The following VRK2 variants were observed in gnomAD, a reference collection of about 807,000 sequenced individuals.
VRK2 encodes the protein serine/threonine-protein kinase VRK2.
Under a neutral mutation model 57.6 loss-of-function variants are expected in VRK2, and 60 were observed. That is an observed-to-expected ratio of 1.04 (90% confidence interval 0.85 to 1.29). The LOEUF is 1.29. Among genes scored for constraint, VRK2 ranks in the 50% most tolerant of loss-of-function variants. The probability of loss-of-function intolerance (pLI) is 0.00; values close to 1 mark genes in which losing one functional copy is unlikely to be tolerated. For missense variants in VRK2, 705 were observed against 588.1 expected (o/e 1.20, Z -2.06); for synonymous variants, 231 against 199.2 (o/e 1.16, Z -1.35).
intron 2 of VRK2, among the ~76,000 whole-genome samples, chr2:58,064,215 G>A (rs747376653): frequency 6.6e-6 from 1 of 152,058 alleles, no homozygotes; most frequent in Non-Finnish European, 1.5e-5. Flanking sequence ...TGGTTTGAGA[G>A]GATTGTCTTC....
At chr2:57,916,065 C>T (rs775464077) in intron 1 of VRK2, among the ~76,000 whole-genome samples, 1 of 152,080 alleles carries the variant, frequency 6.6e-6, no homozygotes, top group African/African-American at 2.4e-5. Flanking sequence ...GCACAAGCCT[C>T]CCATTAGATG....
chr2:58,074,586 T>C (rs1348282369), intron 2 of VRK2, among the ~76,000 whole-genome samples: 1 of 152,162 alleles, frequency 6.6e-6, no homozygotes, highest in Non-Finnish European at 1.5e-5. Flanking sequence ...CTCCTGTCTC[T>C]TGCTGTAATT....
chr2:57,923,348 A>C (rs1260537717), intron 1 of VRK2, among the ~76,000 whole-genome samples: 1 of 151,994 alleles, frequency 6.6e-6, no homozygotes, highest in African/African-American at 2.4e-5. Context: ...TCCCACCAAT[A>C]CTGTATGAGG....
Position 58,137,158 on chromosome 2 carries a change from A to G in VRK2, c.856+1959A>G, listed in dbSNP as rs866493923. ...CATATATCATATATATCATGTGTTT[A>G]TATATATCATATATCATATATATCA... On this transcript the variant is annotated intron_variant, in intron 10 of 12. Transcript: ENST00000340157. 3.0e-3 allele frequency among the ~76,000 whole-genome samples: 57 copies of G among 19,156 alleles called. 1 individual carries two copies. The highest frequency in any genetic ancestry group is 5.9e-3 in the African/African-American group (53 of 8,970). The allele number at this position is 19,156 out of a possible 152,430, so 12.6% of individuals were successfully genotyped here.
intron 1 of VRK2, among the ~76,000 whole-genome samples, chr2:57,961,049 A>G (rs1481804455): frequency 6.6e-6 from 1 of 152,244 alleles, no homozygotes; most frequent in Non-Finnish European, 1.5e-5. Context: ...AGACACAAGG[A>G]CGTCATCAAA....
chr2:57,966,639 C>A (rs17049272), intron 1 of VRK2, among the ~76,000 whole-genome samples: 21,264 of 151,714 alleles, frequency 0.14, 1,638 homozygotes, highest in African/African-American at 0.19. Flanking sequence ...TATGTACAAA[C>A]GCTTTTCAGA....
intron 2 of VRK2, among the ~76,000 whole-genome samples, chr2:58,055,222 C>T (rs1274777985): frequency 1.3e-5 from 2 of 152,306 alleles, no homozygotes; most frequent in African/African-American, 4.8e-5. Context: ...TGGCATCACA[C>T]CTTCTGAATG....
chr2:58,087,787 G>A (rs1193900617), intron 5 of VRK2, among the ~76,000 whole-genome samples: 1 of 152,150 alleles, frequency 6.6e-6, no homozygotes, highest in Non-Finnish European at 1.5e-5. Flanking sequence ...AAGAGGTCGA[G>A]ACCATCCTGG....
chr2:58,107,857 C>G (rs1362008213), intron 7 of VRK2, among the ~76,000 whole-genome samples: 4 of 152,070 alleles, frequency 2.6e-5, no homozygotes, highest in Non-Finnish European at 1.5e-5. Flanking sequence ...TTACATTCTC[C>G]TACTTCTTAT....
In VRK2 at chr2:58,049,464, G is replaced by A. The variant is rs10187214; in HGVS notation, c.136+497G>A. 2.6e-3 allele frequency among the ~76,000 whole-genome samples: 400 copies of A among 152,150 alleles called. 3 individuals are homozygous for A. Among genetic ancestry groups the A allele is most frequent in the African/African-American group, 9.1e-3 (377 of 41,498 alleles). The stretch of plus-strand genomic sequence containing the variant: ...CTCGTGCATCTAGAGTGGTCCCTAG[G>A]GATGTGCCATTCTTGGGATAATTGA... On this transcript the variant is annotated intron_variant, in intron 2 of 12. Transcript: ENST00000340157.
intron 1 of VRK2, among the ~76,000 whole-genome samples, chr2:58,023,027 G>C (rs936532021): frequency 6.6e-6 from 1 of 152,110 alleles, no homozygotes; most frequent in African/African-American, 2.4e-5. Context: ...GTATAGTTTT[G>C]TGGCATTATG....
At chr2:58,158,127 A>G (rs1163015354) in intron 12 of VRK2, among the ~76,000 whole-genome samples, 1 of 152,098 alleles carries the variant, frequency 6.6e-6, no homozygotes, top group Non-Finnish European at 1.5e-5. Flanking sequence ...CTAAGTGGAG[A>G]TATCTCCCAG....
At chr2:58,007,500 T>C (rs1211876689) in intron 1 of VRK2, among the ~76,000 whole-genome samples, 1 of 152,062 alleles carries the variant, frequency 6.6e-6, no homozygotes, top group African/African-American at 2.4e-5. Context: ...TAAAGGCATA[T>C]GACAATCTAC....
At chr2:58,105,520 G>A (rs1674608884) in intron 7 of VRK2, among the ~76,000 whole-genome samples, 1 of 151,844 alleles carries the variant, frequency 6.6e-6, no homozygotes, top group East Asian at 1.9e-4. Context: ...AGTCAGAGTA[G>A]CTATTATGAG....
intron 1 of VRK2, among the ~76,000 whole-genome samples, chr2:58,001,118 A>C (rs184472244): frequency 7.8e-4 from 119 of 152,356 alleles, no homozygotes; most frequent in Non-Finnish European, 1.3e-3. Flanking sequence ...AAGCAGATGG[A>C]ATAAAAAAAG....
intron 12 of VRK2, among the ~76,000 whole-genome samples, chr2:58,152,046 A>G (rs1683160481): frequency 6.6e-6 from 1 of 151,700 alleles, no homozygotes; most frequent in African/African-American, 2.4e-5. Context: ...TGCAAGCCAC[A>G]TATGCAATTT....
chr2:57,970,504 T>C (rs1238554521), intron 1 of VRK2, among the ~76,000 whole-genome samples: 1 of 151,006 alleles, frequency 6.6e-6, no homozygotes, highest in East Asian at 1.9e-4. Flanking sequence ...ATAGAGAAAA[T>C]ACAAAGAAAA....
At chr2:58,094,949 A>G (rs1000965397) in intron 7 of VRK2, among the ~76,000 whole-genome samples, 1 of 152,148 alleles carries the variant, frequency 6.6e-6, no homozygotes, top group Non-Finnish European at 1.5e-5. Flanking sequence ...TTTCAGTGTT[A>G]TCTTAGCTAT....
chr2:57,960,414 A>G (rs1159695605), intron 1 of VRK2, among the ~76,000 whole-genome samples: 1 of 152,228 alleles, frequency 6.6e-6, no homozygotes, highest in African/African-American at 2.4e-5. Context: ...TAAAGCTAGC[A>G]AGATACAGAA....
Sources: allele counts gnomAD v4.1 joint callset (sites outside exome capture counted in the v4.1 genomes callset), GRCh38; gene constraint gnomAD v4.1.1; transcripts MANE v1.5; gene names NCBI Gene and HGNC (gene_info 2026-07-23, HGNC 2026-07-21).